Variants in RAB3IP observed in about 807,000 individuals in gnomAD.
RAB3IP encodes the protein RAB3A interacting protein.
A neutral mutation model predicts 59.1 loss-of-function variants in RAB3IP; 36 were observed. The observed-to-expected ratio is 0.61, with a 90% CI of 0.47 to 0.80. The LOEUF is 0.80. Ranked by LOEUF, RAB3IP falls within the 30% of genes least tolerant of loss-of-function variation. The pLI, the probability that RAB3IP is intolerant of heterozygous loss-of-function variation, is 0.00. For missense variants in RAB3IP, 511 were observed against 536.0 expected, an observed-to-expected ratio of 0.95 and a Z score of 0.46; for synonymous variants, 207 against 191.2, an observed-to-expected ratio of 1.08 and a Z score of -0.68.
intron 6 of RAB3IP, among the ~76,000 whole-genome samples, chr12:69,798,009 C>T (rs1305649056): frequency 6.6e-6 from 1 of 152,086 alleles, no homozygotes; most frequent in Non-Finnish European, 1.5e-5. Context: ...TTTATAGCAG[C>T]ATGATTTATA....
intron 8 of RAB3IP, among the ~76,000 whole-genome samples, chr12:69,806,272 G>T (rs1592610679): frequency 6.6e-6 from 1 of 152,162 alleles, no homozygotes; most frequent in Non-Finnish European, 1.5e-5. Context: ...AGATTTTCTA[G>T]TTTATTTGCA....
chr12:69,789,573 C>G (rs927603611), intron 4 of RAB3IP, among the ~76,000 whole-genome samples: 1 of 152,114 alleles, frequency 6.6e-6, no homozygotes, highest in Admixed American at 6.5e-5. Flanking sequence ...GGGAACCCTT[C>G]CAAACTCATT....
intron 4 of RAB3IP, among the ~76,000 whole-genome samples, chr12:69,789,396 A>G (rs1038445536): frequency 1.3e-5 from 2 of 152,130 alleles, no homozygotes; most frequent in Non-Finnish European, 1.5e-5. Flanking sequence ...GAAGAAATAG[A>G]TAAATTCCTA....
Position 69,816,710 on chromosome 12 carries a change from T to C in RAB3IP, c.*1264T>C, listed in dbSNP as rs1484849678. On this transcript the variant is annotated 3_prime_UTR_variant, in exon 11 of 11. Coordinates refer to ENST00000247833, the MANE Select transcript of RAB3IP (RefSeq NM_022456.5). ...GTCGAGATATATATGTATTTTTAAATGTTTGATCTGCATTGCTAGATTGCC... is the reference window on the plus strand; with the variant it reads ...GTCGAGATATATATGTATTTTTAAACGTTTGATCTGCATTGCTAGATTGCC... 1 of 152,212 alleles carries C rather than the reference T, an allele frequency of 6.6e-6. No homozygotes were observed. Among genetic ancestry groups the C allele is most frequent in the African/African-American group, 2.4e-5 (1 of 41,452 alleles). The allele number at this position is 152,212 out of a possible 1,614,324, so 9.4% of individuals were successfully genotyped here.
chr12:69,789,109 T>A (rs865976172), intron 4 of RAB3IP, among the ~76,000 whole-genome samples: 1 of 151,568 alleles, frequency 6.6e-6, no homozygotes. Flanking sequence ...ACTTTATACC[T>A]CAAGGAATTA....
intron 4 of RAB3IP, among the ~76,000 whole-genome samples, chr12:69,787,864 A>G (rs141735940): frequency 2.8e-3 from 419 of 152,304 alleles, no homozygotes; most frequent in African/African-American, 9.2e-3. Flanking sequence ...CTATATGAAC[A>G]TATATGTGTA....
chr12:69,755,447 C>T lies in RAB3IP; in HGVS notation c.39C>T (p.Asn13=). ...CCTTGGAAGGCTTCCATGAAGTAAA[C>T]CTTGCTTCACCTACTTCTCCGGACC... ...NDPLEGFHEV[N]LASPTSPDLL... The change falls in exon 2 of 11, where the codon AAC becomes AAT. Residue 13 remains asparagine, a synonymous_variant. Transcript: ENST00000247833. 2.5e-6 allele frequency: 4 copies of T among 1,613,924 alleles called. No homozygotes were observed. Among genetic ancestry groups the T allele is most frequent in the Non-Finnish European group, 3.4e-6 (4 of 1,179,886 alleles).
chr12:69,820,107 T>C lies in RAB3IP; in HGVS notation c.*4661T>C, dbSNP rs148732443. On this transcript the variant is annotated 3_prime_UTR_variant, in exon 11 of 11. Transcript: ENST00000247833. The stretch of plus-strand genomic sequence containing the variant: ...AGGCTTTTGTTTTCAGTGGTTTTTG[T>C]TGTTGCATTTTTCCCTAGATAAAAT... 6.6e-6 allele frequency: 1 copy of C among 152,312 alleles called. No individual in the cohort carries two copies. Among genetic ancestry groups the C allele is most frequent in the East Asian group, 1.9e-4 (1 of 5,184 alleles). The allele number at this position is 152,312 out of a possible 1,614,324, so 9.4% of individuals were successfully genotyped here. A position where few individuals can be genotyped will look rare whatever the true frequency, so the allele number is the denominator to read the frequency against.
chr12:69,739,999 C>T (rs908678690), intron 1 of RAB3IP: 6 of 796,150 alleles, frequency 7.5e-6, no homozygotes, highest in Non-Finnish European at 1.3e-5. Context: ...CCAACTCCTT[C>T]CGTTCAGTGT....
At chr12:69,775,140 T>G (rs1276608221) in intron 3 of RAB3IP, among the ~76,000 whole-genome samples, 1 of 49,236 alleles carries the variant, frequency 2.0e-5, no homozygotes, top group Non-Finnish European at 4.1e-5. Context: ...CCCTTGTAAG[T>G]TGGATTCCTA....
At chr12:69,762,290 G>A (rs1871430343) in intron 3 of RAB3IP, among the ~76,000 whole-genome samples, 1 of 152,134 alleles carries the variant, frequency 6.6e-6, no homozygotes, top group Non-Finnish European at 1.5e-5. Flanking sequence ...GGAGGAAATT[G>A]GGCTTTAGTG....
intron 8 of RAB3IP, among the ~76,000 whole-genome samples, chr12:69,803,236 T>C (rs775106717): frequency 6.6e-6 from 1 of 152,148 alleles, no homozygotes; most frequent in Non-Finnish European, 1.5e-5. Context: ...TTACAAAGTT[T>C]AAGGATATTG....
intron 4 of RAB3IP, among the ~76,000 whole-genome samples, chr12:69,786,978 G>A (rs1460954704): frequency 6.6e-6 from 1 of 152,138 alleles, no homozygotes. Context: ...TTTATGAATC[G>A]TGGAAAAAGC....
intron 8 of RAB3IP, among the ~76,000 whole-genome samples, chr12:69,810,984 A>T (rs1269509538): frequency 2.0e-5 from 3 of 152,218 alleles, no homozygotes; most frequent in Non-Finnish European, 2.9e-5. Context: ...AGGTGTGTCC[A>T]GTTTACAAAA....
At chr12:69,757,165 C>T (rs1425196256) in intron 3 of RAB3IP, among the ~76,000 whole-genome samples, 1 of 152,112 alleles carries the variant, frequency 6.6e-6, no homozygotes, top group Non-Finnish European at 1.5e-5. Context: ...AAACTTGTGG[C>T]CATATCTTAT....
At position 69,771,700 on chromosome 12, in the gene RAB3IP, T is replaced by A. The variant is rs1873143312; in HGVS notation, c.511-13020T>A. On this transcript the variant is annotated intron_variant, in intron 3 of 10. Transcript: ENST00000247833. ...GAATTGCTGGATATTCTATTTTTAA[T>A]TTTTGGGAGAACCTCCATACTGTTG... 3.9e-5 allele frequency among the ~76,000 whole-genome samples: 6 copies of A among 152,322 alleles called. 1 individual carries two copies. In the South Asian group the frequency reaches 1.2e-3, roughly 32 times the overall value.
Position 69,815,359 on chromosome 12 carries a change from T to C in RAB3IP, c.1301-5T>C, listed in dbSNP as rs1881016938. ...TTTAAATATCTCTCTTTTCTGTTTGTATAGTTGATCAGATGTTTTGGGAGG... is the reference window on the plus strand; with the variant it reads ...TTTAAATATCTCTCTTTTCTGTTTGCATAGTTGATCAGATGTTTTGGGAGG... On this transcript the variant is annotated splice_region_variant and splice_polypyrimidine_tract_variant and intron_variant, in intron 10 of 10. Transcript: ENST00000247833. The C allele has an allele frequency of 5.0e-6, 8 of 1,587,178 alleles. No individual in the cohort carries two copies. Among genetic ancestry groups the C allele is most frequent in the Non-Finnish European group, 6.9e-6 (8 of 1,155,986 alleles).
intron 8 of RAB3IP, among the ~76,000 whole-genome samples, chr12:69,803,410 A>G (rs1197919003): frequency 6.6e-6 from 1 of 152,140 alleles, no homozygotes; most frequent in Admixed American, 6.5e-5. Flanking sequence ...CACTGTAGGA[A>G]TTTTGAGGAA....
At chr12:69,801,268 A>G (rs1402856265) in intron 7 of RAB3IP, among the ~76,000 whole-genome samples, 2 of 152,236 alleles carry the variant, frequency 1.3e-5, no homozygotes, top group Non-Finnish European at 2.9e-5. Flanking sequence ...AATATTGTAT[A>G]TATTTAGCAG....
Sources: gnomAD v4.1 joint callset for allele counts (sites outside exome capture counted in the v4.1 genomes callset) on GRCh38, gnomAD v4.1.1 for gene constraint, MANE v1.5 for transcripts, NCBI Gene and HGNC (gene_info 2026-07-23, HGNC 2026-07-21) for gene names.